IMMP2L: variants seen among roughly 807,000 people sequenced by gnomAD.
IMMP2L encodes mitochondrial inner membrane protease subunit 2.
IMMP2L carries 18 observed loss-of-function variants against 19.3 expected under a neutral mutation model. The observed-to-expected ratio is 0.93, with a 90% CI of 0.64 to 1.38. The LOEUF is 1.38. Ranked by LOEUF, IMMP2L falls within the 40% of genes most tolerant of loss-of-function variation. The probability of loss-of-function intolerance (pLI) is 0.00; values close to 1 mark genes in which losing one functional copy is unlikely to be tolerated. For missense variants in IMMP2L, 233 were observed against 218.2 expected (o/e 1.07, Z -0.43); for synonymous variants, 76 against 73.0 (o/e 1.04, Z -0.21).
intron 5 of IMMP2L, among the ~76,000 whole-genome samples, chr7:110,751,528 T>C (rs1022341168): frequency 6.6e-6 from 1 of 151,844 alleles, no homozygotes; most frequent in South Asian, 2.1e-4. Context: ...AAAAAAAGAA[T>C]AACCTTGATA....
intron 3 of IMMP2L, among the ~76,000 whole-genome samples, chr7:111,194,868 TAACATGTAGAC>T (rs1395016048): frequency 6.6e-6 from 1 of 152,144 alleles, no homozygotes; most frequent in Non-Finnish European, 1.5e-5. Flanking sequence ...TAATCATATC[TAACATGTAGAC>T]ACTAAATTTC....
At chr7:110,884,915 G>A (rs1173337558) in intron 5 of IMMP2L, among the ~76,000 whole-genome samples, 1 of 151,926 alleles carries the variant, frequency 6.6e-6, no homozygotes, top group Non-Finnish European at 1.5e-5. Context: ...AATTATATAT[G>A]CTTATCCAAC....
intron 5 of IMMP2L, among the ~76,000 whole-genome samples, chr7:110,718,705 G>A (rs1009615128): frequency 4.6e-5 from 7 of 152,082 alleles, no homozygotes; most frequent in Non-Finnish European, 8.8e-5. Flanking sequence ...GAGTATGGGA[G>A]CCTCAAGGAT....
At chr7:111,007,951 T>C (rs889573943) in intron 3 of IMMP2L, among the ~76,000 whole-genome samples, 1 of 152,088 alleles carries the variant, frequency 6.6e-6, no homozygotes, top group African/African-American at 2.4e-5. Context: ...TTAAAAACAT[T>C]ATTGATTCCT....
chr7:111,428,067 A>C (rs896894274), intron 3 of IMMP2L, among the ~76,000 whole-genome samples: 10 of 151,826 alleles, frequency 6.6e-5, no homozygotes, highest in Non-Finnish European at 1.2e-4. Flanking sequence ...CATGCTGTAC[A>C]CCTCATTGGC....
At chr7:111,059,175 G>T (rs1793785039) in intron 3 of IMMP2L, among the ~76,000 whole-genome samples, 1 of 151,910 alleles carries the variant, frequency 6.6e-6, no homozygotes, top group Non-Finnish European at 1.5e-5. Context: ...GTAGAGACAG[G>T]GTTTCACTAT....
At chr7:111,031,381 G>GGTGTGTGTGTGTGTGT (rs1554496351) in intron 3 of IMMP2L, among the ~76,000 whole-genome samples, 7 of 72,586 alleles carry the variant, frequency 9.6e-5, no homozygotes, top group Non-Finnish European at 1.8e-4. Context: ...GGGGTGTAGG[G>GGTGTGTGTGTGTGTGT]GTGTGTGTGT....
At chr7:111,261,882 T>G (rs1269965202) in intron 3 of IMMP2L, among the ~76,000 whole-genome samples, 1 of 152,086 alleles carries the variant, frequency 6.6e-6, no homozygotes. Flanking sequence ...AGAAATATGA[T>G]TTTACCCTGA....
At chr7:111,136,887 G>A (rs1038411634) in intron 3 of IMMP2L, among the ~76,000 whole-genome samples, 4 of 152,102 alleles carry the variant, frequency 2.6e-5, no homozygotes, top group African/African-American at 7.2e-5. Flanking sequence ...AGAAATTTCA[G>A]GTAACGAACT....
chr7:110,915,870 C>T (rs1813554749), intron 4 of IMMP2L, among the ~76,000 whole-genome samples: 1 of 152,150 alleles, frequency 6.6e-6, no homozygotes, highest in African/African-American at 2.4e-5. Flanking sequence ...GTTAACAACA[C>T]ATTGTAGACT....
At chr7:110,823,267 A>G (rs1803196270) in intron 5 of IMMP2L, among the ~76,000 whole-genome samples, 1 of 152,054 alleles carries the variant, frequency 6.6e-6, no homozygotes, top group South Asian at 2.1e-4. Context: ...TCTTCCAGAA[A>G]GGTACACCTA....
chr7:110,990,818 G>A (rs1194949730), intron 3 of IMMP2L, among the ~76,000 whole-genome samples: 3 of 152,112 alleles, frequency 2.0e-5, no homozygotes, highest in African/African-American at 7.2e-5. Flanking sequence ...GTGTGATACA[G>A]AAAGTTAGAC....
intron 3 of IMMP2L, among the ~76,000 whole-genome samples, chr7:111,410,722 A>T (rs1039596858): frequency 6.6e-6 from 1 of 151,872 alleles, no homozygotes; most frequent in Non-Finnish European, 1.5e-5. Flanking sequence ...AAGAGAACAT[A>T]TTGAGAATCA....
At chr7:111,100,332 T>A (rs953048576) in intron 3 of IMMP2L, among the ~76,000 whole-genome samples, 21 of 150,668 alleles carry the variant, frequency 1.4e-4, no homozygotes, top group African/African-American at 4.9e-4. Context: ...TGCAGAAGCA[T>A]CTAACAACAG....
At chr7:110,944,574 C>G (rs182812577) in intron 4 of IMMP2L, among the ~76,000 whole-genome samples, 1 of 151,528 alleles carries the variant, frequency 6.6e-6, no homozygotes, top group South Asian at 2.1e-4. Flanking sequence ...GAAAAATCTC[C>G]CTCATTCTCC....
At chr7:110,903,814 A>C (rs761200878) in intron 4 of IMMP2L, among the ~76,000 whole-genome samples, 1 of 151,044 alleles carries the variant, frequency 6.6e-6, no homozygotes, top group Non-Finnish European at 1.5e-5. Flanking sequence ...TGTTTTCTAT[A>C]GTGGCTGTAC....
chr7:111,187,621 G>T (rs6979545), intron 3 of IMMP2L, among the ~76,000 whole-genome samples: 1 of 152,064 alleles, frequency 6.6e-6, no homozygotes, highest in Non-Finnish European at 1.5e-5. Flanking sequence ...AGGAATGAAC[G>T]TTGTCATTAG....
intron 3 of IMMP2L, among the ~76,000 whole-genome samples, chr7:111,144,506 G>A (rs1562849889): frequency 6.6e-6 from 1 of 152,100 alleles, no homozygotes; most frequent in South Asian, 2.1e-4. Flanking sequence ...CAAATACAGT[G>A]TGTCTATCTC....
intron 4 of IMMP2L, among the ~76,000 whole-genome samples, chr7:110,944,125 C>G (rs1488621707): frequency 2.0e-5 from 3 of 151,870 alleles, no homozygotes; most frequent in Non-Finnish European, 4.4e-5. Flanking sequence ...AGTGAGCAAA[C>G]CCTTGGTATG....
Sources: allele counts gnomAD v4.1 joint callset (sites outside exome capture counted in the v4.1 genomes callset), GRCh38; gene constraint gnomAD v4.1.1; transcripts MANE v1.5; gene names NCBI Gene and HGNC (gene_info 2026-07-23, HGNC 2026-07-21).